The following ZHX2 variants were observed in gnomAD, a reference collection of about 807,000 sequenced individuals.
The protein encoded by ZHX2 is zinc fingers and homeoboxes 2.
ZHX2 carries 6 observed loss-of-function variants against 21.9 expected under a neutral mutation model. The ratio of observed to expected loss-of-function variants is 0.27; its 90% CI spans 0.15 to 0.54. The LOEUF (loss-of-function observed/expected upper bound fraction) is 0.54, where lower values mean the gene tolerates loss of function less well. Ranked by LOEUF, ZHX2 falls within the 20% of genes least tolerant of loss-of-function variation. The pLI, the probability that ZHX2 is intolerant of heterozygous loss-of-function variation, is 0.95. For missense variants in ZHX2, 908 were observed against 1,090.7 expected (o/e 0.83, Z 2.36); for synonymous variants, 434 against 437.1 (o/e 0.99, Z 0.09).
chr8:122,902,913 T>C (rs1168524386), intron 2 of ZHX2, among the ~76,000 whole-genome samples: 1 of 152,190 alleles, frequency 6.6e-6, no homozygotes, highest in East Asian at 1.9e-4. Flanking sequence ...TGTACAGAGA[T>C]GGTAATGGGA....
Position 122,953,294 on chromosome 8 carries a change from T to C in ZHX2, c.1784T>C (p.Met595Thr), listed in dbSNP as rs751305348. 4.3e-6 allele frequency: 7 copies of C among 1,614,052 alleles called. No homozygotes were observed. Among genetic ancestry groups the C allele is most frequent in the South Asian group, 3.3e-5 (3 of 91,078 alleles). The change falls in exon 3 of 4, where the codon ATG becomes ACG. Residue 595 changes from methionine (M) to threonine (T), a missense_variant. Met to Thr is a moderately conservative substitution (Grantham distance 81). Around this residue, in one of 4 missense-constraint regions of ZHX2, gnomAD observed 431 missense variants for 428.6 expected, o/e 1.01. Coordinates refer to ENST00000314393, the MANE Select transcript of ZHX2 (RefSeq NM_014943.5). This position sits in a 1 kb window ranked among gnomAD's most constrained non-coding sequence, Gnocchi z 4.6. ...ATGGAACAAGCTGTCTTGGATTCCATGGGGTCTGGCAAAAAAGGCCAAGAT... is the reference window on the plus strand; with the variant it reads ...ATGGAACAAGCTGTCTTGGATTCCACGGGGTCTGGCAAAAAAGGCCAAGAT... Reference protein sequence around the residue: ...DSMEQAVLDSMGSGKKGQDVG... With the variant: ...DSMEQAVLDSTGSGKKGQDVG...
At chr8:122,797,676 T>C (rs1817638174) in intron 1 of ZHX2, among the ~76,000 whole-genome samples, 1 of 152,166 alleles carries the variant, frequency 6.6e-6, no homozygotes, top group African/African-American at 2.4e-5. Context: ...CCCAACAGGA[T>C]GTGGAGGAGC....
intron 3 of ZHX2, among the ~76,000 whole-genome samples, chr8:122,967,029 T>C (rs1641388054): frequency 6.6e-6 from 1 of 152,220 alleles, no homozygotes; most frequent in Non-Finnish European, 1.5e-5. Flanking sequence ...TGATATCTGT[T>C]TCTCTAGAGA....
chr8:122,942,667 C>T (rs1812875926), intron 2 of ZHX2, among the ~76,000 whole-genome samples: 1 of 152,136 alleles, frequency 6.6e-6, no homozygotes, highest in East Asian at 1.9e-4. Context: ...AGATGCATCC[C>T]TAGAGAGGTC....
Position 122,926,504 on chromosome 8 carries a change from G to A in ZHX2, c.-219-24788G>A, listed in dbSNP as rs192377043. ...GTCAAGCCAGCCGCTTCAGGACGAT[G>A]GGGAACGTGGGAAGACCAGATAGTT... On this transcript the variant is annotated intron_variant, in intron 2 of 3. Coordinates refer to ENST00000314393, the MANE Select transcript of ZHX2 (RefSeq NM_014943.5). Among the ~76,000 whole-genome samples, 367 of 152,326 alleles carry A rather than the reference G, an allele frequency of 2.4e-3. 4 individuals are homozygous for A. Among genetic ancestry groups the A allele is most frequent in the African/African-American group, 8.5e-3 (354 of 41,576 alleles).
At chr8:122,957,324 AC>A (rs1387084014) in intron 3 of ZHX2, among the ~76,000 whole-genome samples, 8 of 150,528 alleles carry the variant, frequency 5.3e-5, no homozygotes, top group Non-Finnish European at 5.9e-5. Context: ...ACATGCAGGA[AC>A]CCCACTTTAT....
chr8:122,847,772 A>C (rs1818785474), intron 1 of ZHX2, among the ~76,000 whole-genome samples: 1 of 152,122 alleles, frequency 6.6e-6, no homozygotes, highest in Non-Finnish European at 1.5e-5. Flanking sequence ...CACCACCAGC[A>C]CCCAGCACCA....
intron 2 of ZHX2, among the ~76,000 whole-genome samples, chr8:122,911,108 A>G (rs1820470325): frequency 6.6e-6 from 1 of 152,194 alleles, no homozygotes; most frequent in South Asian, 2.1e-4. Context: ...CGGTCTACAC[A>G]CACGCAGGAT....
intron 2 of ZHX2, among the ~76,000 whole-genome samples, chr8:122,917,623 T>C (rs1377492334): frequency 6.6e-6 from 1 of 152,198 alleles, no homozygotes; most frequent in Non-Finnish European, 1.5e-5. Flanking sequence ...AGATCAGGCA[T>C]AAGGCCGCAG....
chr8:122,906,304 T>C (rs1820345747), intron 2 of ZHX2, among the ~76,000 whole-genome samples: 1 of 152,210 alleles, frequency 6.6e-6, no homozygotes, highest in African/African-American at 2.4e-5. Context: ...CAAGGATCTA[T>C]TACATTTAAA....
At chr8:122,968,132 A>G (rs1363520060) in intron 3 of ZHX2, among the ~76,000 whole-genome samples, 1 of 152,196 alleles carries the variant, frequency 6.6e-6, no homozygotes, top group East Asian at 1.9e-4. Context: ...ACATGTAAGC[A>G]CTTTGGGGAA....
At chr8:122,791,897 A>C (rs184928405) in intron 1 of ZHX2, among the ~76,000 whole-genome samples, 1 of 151,686 alleles carries the variant, frequency 6.6e-6, no homozygotes, top group Admixed American at 6.6e-5. Flanking sequence ...TGTATAGGAT[A>C]CTCTCAGGCA....
intron 2 of ZHX2, among the ~76,000 whole-genome samples, chr8:122,923,508 A>G (rs1450818411): frequency 6.6e-6 from 1 of 152,228 alleles, no homozygotes; most frequent in East Asian, 1.9e-4. Flanking sequence ...ATACTGGTCA[A>G]AGCAGTCACA....
intron 1 of ZHX2, among the ~76,000 whole-genome samples, chr8:122,793,881 G>A (rs376256968): frequency 2.4e-4 from 37 of 152,286 alleles, no homozygotes; most frequent in African/African-American, 8.9e-4. Context: ...ACTCTCCCCA[G>A]CCCTGTGCAC....
intron 2 of ZHX2, among the ~76,000 whole-genome samples, chr8:122,914,821 G>A (rs188971334): frequency 3.2e-4 from 48 of 152,196 alleles, no homozygotes; most frequent in Admixed American, 8.5e-4. Flanking sequence ...TAATTGAGTC[G>A]TTCCTAGAGG....
chr8:122,930,111 A>G (rs556512155), intron 2 of ZHX2, among the ~76,000 whole-genome samples: 1 of 152,324 alleles, frequency 6.6e-6, no homozygotes, highest in South Asian at 2.1e-4. Context: ...CAGCAGCCTC[A>G]GGGGAAAATA....
At chr8:122,929,441 G>C (rs1219431693) in intron 2 of ZHX2, among the ~76,000 whole-genome samples, 1 of 152,122 alleles carries the variant, frequency 6.6e-6, no homozygotes, top group African/African-American at 2.4e-5. Context: ...TCAGGAGTTC[G>C]AGACCTGGCT....
At chr8:122,804,116 T>A (rs1817776768) in intron 1 of ZHX2, among the ~76,000 whole-genome samples, 1 of 152,162 alleles carries the variant, frequency 6.6e-6, no homozygotes, top group African/African-American at 2.4e-5. Flanking sequence ...ATTTATATAT[T>A]TATTTATTTT....
At chr8:122,918,494 C>A (rs944618432) in intron 2 of ZHX2, among the ~76,000 whole-genome samples, 1 of 152,230 alleles carries the variant, frequency 6.6e-6, no homozygotes, top group African/African-American at 2.4e-5. Context: ...CATCCCACTT[C>A]TGTTGCACTT....
Sources: allele counts gnomAD v4.1 joint callset (sites outside exome capture counted in the v4.1 genomes callset), GRCh38; gene constraint gnomAD v4.1.1; regional missense constraint gnomAD v4.1.1; non-coding constraint Gnocchi (gnomAD v3.1); transcripts MANE v1.5; gene names NCBI Gene and HGNC (gene_info 2026-07-23, HGNC 2026-07-21).